PCBP3: variants seen among roughly 807,000 people sequenced by gnomAD.
PCBP3 encodes the protein poly(rC) binding protein 3, also known as poly(rC)-binding protein 3.
Under a neutral mutation model 52.7 loss-of-function variants are expected in PCBP3, and 25 were observed. The ratio of observed to expected loss-of-function variants is 0.47; its 90% CI spans 0.35 to 0.66. PCBP3 has a LOEUF of 0.66. Ranked by LOEUF, PCBP3 falls within the 30% of genes least tolerant of loss-of-function variation. The pLI is 0.01. For synonymous variants in PCBP3, 162 were observed against 183.0 expected (o/e 0.89, Z 0.93); for missense variants, 391 against 490.3 (o/e 0.80, Z 1.91).
intron 2 of PCBP3, among the ~76,000 whole-genome samples, chr21:45,712,632 C>G (rs1465690626): frequency 2.0e-5 from 3 of 152,078 alleles, no homozygotes; most frequent in African/African-American, 7.2e-5. Context: ...ATCTTATTAG[C>G]CTGAGCTATT....
At chr21:45,700,285 T>C (rs1042151950) in intron 2 of PCBP3, among the ~76,000 whole-genome samples, 3 of 152,236 alleles carry the variant, frequency 2.0e-5, no homozygotes, top group African/African-American at 4.8e-5. Context: ...GACAATCATA[T>C]TTAATGTGTT....
chr21:45,751,974 T>C (rs1354068883), intron 3 of PCBP3, among the ~76,000 whole-genome samples: 2 of 152,234 alleles, frequency 1.3e-5, no homozygotes, highest in Non-Finnish European at 2.9e-5. Context: ...TTTTGGTCTT[T>C]TTTGTCCCCT....
At chr21:45,753,343 T>C (rs1247080862) in intron 3 of PCBP3, among the ~76,000 whole-genome samples, 1 of 152,030 alleles carries the variant, frequency 6.6e-6, no homozygotes, top group African/African-American at 2.4e-5. Flanking sequence ...TGTAATGTAG[T>C]CTATCCTGAT....
chr21:45,781,915 A>G (rs528537708), intron 4 of PCBP3, among the ~76,000 whole-genome samples: 1 of 152,364 alleles, frequency 6.6e-6, no homozygotes, highest in Admixed American at 6.5e-5. Flanking sequence ...GAAAGTTTAT[A>G]TAAATGGAAA....
intron 5 of PCBP3, among the ~76,000 whole-genome samples, chr21:45,887,782 C>G (rs578082631): frequency 9.2e-5 from 14 of 152,334 alleles, no homozygotes; most frequent in Middle Eastern, 6.8e-3. Context: ...CCAGGTCGCC[C>G]TTTATAGAGG....
intron 2 of PCBP3, among the ~76,000 whole-genome samples, chr21:45,702,314 T>C (rs1347481166): frequency 6.6e-6 from 1 of 152,198 alleles, no homozygotes; most frequent in Admixed American, 6.5e-5. Flanking sequence ...GTTATGAAGA[T>C]TTTCCTAACG....
At chr21:45,646,330 T>TA (rs1036566456) in intron 1 of PCBP3, among the ~76,000 whole-genome samples, 5 of 152,284 alleles carry the variant, frequency 3.3e-5, no homozygotes, top group African/African-American at 9.6e-5. Context: ...TTCCTTTGCT[T>TA]AGTCTTCACT....
chr21:45,703,009 A>G (rs1240039256), intron 2 of PCBP3, among the ~76,000 whole-genome samples: 2 of 152,126 alleles, frequency 1.3e-5, no homozygotes, highest in Non-Finnish European at 2.9e-5. Flanking sequence ...CTCATCCATA[A>G]GAAGCAACTC....
At chr21:45,658,361 A>T (rs1157735851) in intron 1 of PCBP3, among the ~76,000 whole-genome samples, 3 of 152,006 alleles carry the variant, frequency 2.0e-5, no homozygotes, top group Admixed American at 6.6e-5. Context: ...TGGAGTGCAG[A>T]GGTGCGATCT....
chr21:45,940,186 C>T lies in PCBP3; in HGVS notation c.1066C>T (p.Leu356Phe). 1 of 1,612,894 alleles carries T rather than the reference C, an allele frequency of 6.2e-7. No homozygotes were observed. Among genetic ancestry groups the T allele is most frequent in the Non-Finnish European group, 8.5e-7 (1 of 1,179,200 alleles). Reference sequence around the variant, plus strand: ...GGCCAACATCAGCCTTGCCCAGTATCTCATCAACGCCAGGTGAGCATCTCC... The same window carrying T: ...GGCCAACATCAGCCTTGCCCAGTATTTCATCAACGCCAGGTGAGCATCTCC... ...TPANISLAQY[L>F]INARLTSEVT... Residue 356 changes from leucine (L) to phenylalanine (F), a missense_variant, in exon 17 of 18, where the codon CTC becomes TTC. Transcript: ENST00000681687.
At chr21:45,745,695 C>T (rs2086777643) in intron 3 of PCBP3, among the ~76,000 whole-genome samples, 1 of 152,218 alleles carries the variant, frequency 6.6e-6, no homozygotes, top group Non-Finnish European at 1.5e-5. Context: ...CAGCCTTGGG[C>T]TCAGCCAAAG....
chr21:45,689,585 A>T (rs1352013807), intron 2 of PCBP3, among the ~76,000 whole-genome samples: 3 of 152,080 alleles, frequency 2.0e-5, no homozygotes, highest in Non-Finnish European at 4.4e-5. Flanking sequence ...CTAGACAATA[A>T]AGTGGGAAAA....
chr21:45,646,107 C>CTCTCTCTGTGTGTGTGTGTGTG (rs1555895746), intron 1 of PCBP3, among the ~76,000 whole-genome samples: 1 of 83,782 alleles, frequency 1.2e-5, no homozygotes. Context: ...CTCTCTCTCT[C>CTCTCTCTGTGTGTGTGTGTGTG]TGTGTGTGTG....
intron 5 of PCBP3, among the ~76,000 whole-genome samples, chr21:45,855,213 G>A (rs1229287546): frequency 6.6e-6 from 1 of 152,164 alleles, no homozygotes; most frequent in Non-Finnish European, 1.5e-5. Context: ...GTGCACCTGG[G>A]AAGCCAGTGC....
chr21:45,874,616 C>T (rs2095178115), intron 5 of PCBP3, among the ~76,000 whole-genome samples: 1 of 151,966 alleles, frequency 6.6e-6, no homozygotes, highest in African/African-American at 2.4e-5. Flanking sequence ...AACGATTCTC[C>T]TGCTTCAGCC....
intron 4 of PCBP3, among the ~76,000 whole-genome samples, chr21:45,767,046 C>T (rs1185847416): frequency 2.0e-5 from 3 of 152,122 alleles, no homozygotes; most frequent in African/African-American, 7.2e-5. Flanking sequence ...CCCCTCCCCC[C>T]TTTTAATTGA....
chr21:45,899,117 C>T (rs961442637), intron 6 of PCBP3, among the ~76,000 whole-genome samples: 1 of 152,258 alleles, frequency 6.6e-6, no homozygotes, highest in African/African-American at 2.4e-5. Flanking sequence ...GCCTTGGGCT[C>T]GCCATCAGAA....
intron 4 of PCBP3, chr21:45,762,563 C>T (rs1190406172): frequency 7.2e-6 from 1 of 138,326 alleles, no homozygotes; most frequent in African/African-American, 2.6e-5. Context: ...GATCTTGGCT[C>T]AACCTTGCAA....
At position 45,898,651 on chromosome 21, in the gene PCBP3, G is replaced by A. The variant is rs372811120; in HGVS notation, c.166-948G>A. On this transcript the variant is annotated intron_variant, in intron 6 of 17. Transcript: ENST00000681687. ...TCCCTCTCCCTCCACGGGCCCCTCTGCACACCGTCCTCACAGCCTCCCTCT... is the reference window on the plus strand; with the variant it reads ...TCCCTCTCCCTCCACGGGCCCCTCTACACACCGTCCTCACAGCCTCCCTCT... Among the ~76,000 whole-genome samples the A allele has an allele frequency of 5.5e-3, 309 of 55,968 alleles. 18 individuals carry two copies. The highest frequency in any genetic ancestry group is 0.017 in the African/African-American group (283 of 16,242). The allele number at this position is 55,968 out of a possible 152,430, so 36.7% of individuals were successfully genotyped here.
Sources: allele counts gnomAD v4.1 joint callset (sites outside exome capture counted in the v4.1 genomes callset), GRCh38; gene constraint gnomAD v4.1.1; transcripts MANE v1.5; gene names NCBI Gene and HGNC (gene_info 2026-07-23, HGNC 2026-07-21).